The following ZNF521 variants were observed in gnomAD, a reference collection of about 807,000 sequenced individuals.
ZNF521 encodes zinc finger protein 521.
In ZNF521, 14 loss-of-function variants were observed where a neutral mutation model predicts 105.5. The observed-to-expected ratio is 0.13, with a 90% CI of 0.09 to 0.21. The LOEUF is 0.21. ZNF521 is among the 10% of genes least tolerant of loss of function. ZNF521 has a pLI of 1.00. For synonymous variants in ZNF521, 635 were observed against 606.0 expected, an observed-to-expected ratio of 1.05 and a Z score of -0.70; for missense variants, 1,233 against 1,629.7, an observed-to-expected ratio of 0.76 and a Z score of 4.19.
Position 25,255,986 on chromosome 18 carries a change from G to GTA in ZNF521, c.221-28291_221-28290dup, listed in dbSNP as rs1259730628. On this transcript the variant is annotated intron_variant, in intron 3 of 7. Transcript: ENST00000361524. The stretch of plus-strand genomic sequence containing the variant: ...CGTATATATATATGTTATATACATG[G>GTA]TATATATATGGTATATATATATGAT... Among the ~76,000 whole-genome samples the GTA allele has an allele frequency of 1.6e-4, 24 of 146,228 alleles. No homozygotes were observed. The East Asian group carries it at 4.1e-3, about 25-fold the overall frequency.
intron 5 of ZNF521, among the ~76,000 whole-genome samples, chr18:25,164,149 A>AC (rs1047305708): frequency 1.6e-4 from 25 of 152,314 alleles, no homozygotes; most frequent in Admixed American, 1.6e-3. Context: ...TATCCCCCCC[A>AC]CTTCCCTGCC....
chr18:25,177,486 G>A (rs1407412161), intron 5 of ZNF521, among the ~76,000 whole-genome samples: 1 of 151,500 alleles, frequency 6.6e-6, no homozygotes, highest in African/African-American at 2.4e-5. Context: ...AATAAAGCAT[G>A]TCCAAGAAAA....
rs868457994 is a variant in ZNF521 at position 25,327,562 on chromosome 18, C to A, written c.41-5375G>T. 7.6e-5 allele frequency: 53 copies of A among 694,094 alleles called. No homozygotes were observed. The African/African-American group carries it at 9.4e-4, about 12-fold the overall frequency. The allele number at this position is 694,094 out of a possible 1,614,324, so 43.0% of individuals were successfully genotyped here. On this transcript the variant is annotated intron_variant, in intron 2 of 7. Coordinates refer to ENST00000361524, the MANE Select transcript of ZNF521 (RefSeq NM_015461.3). Reference sequence around the variant, plus strand: ...GATTTATGTTTATACTTTTTAAGAACAGAGAAAAAGTTACCTTCAGGCTAC... The same window carrying A: ...GATTTATGTTTATACTTTTTAAGAAAAGAGAAAAAGTTACCTTCAGGCTAC...
chr18:25,130,769 C>CAGG (rs2034626337), intron 5 of ZNF521, among the ~76,000 whole-genome samples: 1 of 151,898 alleles, frequency 6.6e-6, no homozygotes, highest in Non-Finnish European at 1.5e-5. Flanking sequence ...ATAGCGAGAC[C>CAGG]CCATCTCTAC....
chr18:25,285,283 C>T (rs911657659), intron 3 of ZNF521, among the ~76,000 whole-genome samples: 3 of 152,152 alleles, frequency 2.0e-5, no homozygotes, highest in African/African-American at 7.2e-5. Context: ...TCGGAGAGAA[C>T]CCCCTAAGGG....
chr18:25,165,178 G>A (rs919800392), intron 5 of ZNF521, among the ~76,000 whole-genome samples: 2 of 152,180 alleles, frequency 1.3e-5, no homozygotes, highest in Non-Finnish European at 2.9e-5. Flanking sequence ...TTCAGTGAAA[G>A]TAAATCTTTT....
intron 2 of ZNF521, among the ~76,000 whole-genome samples, chr18:25,344,927 T>C (rs1914397383): frequency 6.6e-6 from 1 of 152,176 alleles, no homozygotes; most frequent in Non-Finnish European, 1.5e-5. Flanking sequence ...AACACATTAA[T>C]AGGAAAAAGA....
intron 3 of ZNF521, among the ~76,000 whole-genome samples, chr18:25,305,762 G>T (rs1911939880): frequency 6.6e-6 from 1 of 152,116 alleles, no homozygotes; most frequent in Non-Finnish European, 1.5e-5. Flanking sequence ...AATATCTCAG[G>T]ATTCTGGAAG....
At chr18:25,218,294 G>A (rs1905463676) in intron 4 of ZNF521, among the ~76,000 whole-genome samples, 1 of 151,918 alleles carries the variant, frequency 6.6e-6, no homozygotes, top group South Asian at 2.1e-4. Context: ...AGCTGCTTCA[G>A]TTGCTCAGGA....
intron 2 of ZNF521, among the ~76,000 whole-genome samples, chr18:25,334,296 A>T (rs1319536397): frequency 1.3e-5 from 2 of 150,878 alleles, no homozygotes; most frequent in Non-Finnish European, 2.9e-5. Context: ...CAAAAGGAAC[A>T]TCAGAGGAGA....
intron 4 of ZNF521, among the ~76,000 whole-genome samples, chr18:25,197,819 T>C (rs1006587597): frequency 2.0e-4 from 31 of 151,794 alleles, no homozygotes; most frequent in African/African-American, 7.2e-4. Flanking sequence ...AAGAAATACT[T>C]GGAATTACCT....
At chr18:25,089,871 A>C (rs2033706843) in intron 6 of ZNF521, among the ~76,000 whole-genome samples, 1 of 152,226 alleles carries the variant, frequency 6.6e-6, no homozygotes, top group Non-Finnish European at 1.5e-5. Context: ...TGTCAAATGC[A>C]TAGCTCTGTC....
intron 7 of ZNF521, among the ~76,000 whole-genome samples, chr18:25,076,912 G>C (rs8085461): frequency 6.6e-6 from 1 of 152,146 alleles, no homozygotes; most frequent in African/African-American, 2.4e-5. Flanking sequence ...CCCTTGTTCT[G>C]TTCCAACGGA....
At chr18:25,094,087 A>G (rs1198764654) in intron 5 of ZNF521, among the ~76,000 whole-genome samples, 1 of 152,216 alleles carries the variant, frequency 6.6e-6, no homozygotes, top group Non-Finnish European at 1.5e-5. Context: ...GAGATGGCCT[A>G]TGGATATGAA....
At chr18:25,170,066 C>T (rs2035419939) in intron 5 of ZNF521, among the ~76,000 whole-genome samples, 1 of 151,756 alleles carries the variant, frequency 6.6e-6, no homozygotes, top group Non-Finnish European at 1.5e-5. Flanking sequence ...GTCAATAAGA[C>T]TAGCAATACC....
At chr18:25,080,105 C>T (rs544407193) in intron 7 of ZNF521, among the ~76,000 whole-genome samples, 2 of 152,204 alleles carry the variant, frequency 1.3e-5, no homozygotes, top group Non-Finnish European at 2.9e-5. Flanking sequence ...AGCTGTCCTC[C>T]CAGACATGGA....
chr18:25,187,529 A>G (rs1171952735), intron 5 of ZNF521, among the ~76,000 whole-genome samples: 1 of 152,066 alleles, frequency 6.6e-6, no homozygotes, highest in Non-Finnish European at 1.5e-5. Flanking sequence ...AGGCCCTTTT[A>G]TCAACAATTT....
At chr18:25,066,518 C>T (rs143089200) in intron 7 of ZNF521, among the ~76,000 whole-genome samples, 2 of 152,152 alleles carry the variant, frequency 1.3e-5, no homozygotes, top group African/African-American at 4.8e-5. Flanking sequence ...AGTCTCTGGT[C>T]TCGACTAAAG....
chr18:25,258,720 A>G (rs993793786), intron 3 of ZNF521, among the ~76,000 whole-genome samples: 2 of 152,096 alleles, frequency 1.3e-5, no homozygotes, highest in Non-Finnish European at 2.9e-5. Flanking sequence ...AGAAAATAAG[A>G]GATTAAAGAC....
Sources: gnomAD v4.1 joint callset for allele counts (sites outside exome capture counted in the v4.1 genomes callset) on GRCh38, gnomAD v4.1.1 for gene constraint, MANE v1.5 for transcripts, NCBI Gene and HGNC (gene_info 2026-07-23, HGNC 2026-07-21) for gene names.